The following PLD5 variants were observed in gnomAD, a reference collection of about 807,000 sequenced individuals.
PLD5 encodes the protein inactive phospholipase D5.
Under a neutral mutation model 61.1 loss-of-function variants are expected in PLD5, and 36 were observed. That is an observed-to-expected ratio of 0.59 (90% CI 0.45 to 0.78). The LOEUF is 0.78. Among genes scored for constraint, PLD5 ranks in the 30% least tolerant of loss-of-function variants. PLD5 has a pLI of 0.00. For missense variants in PLD5, 515 were observed against 644.4 expected, an observed-to-expected ratio of 0.80 and a Z score of 2.17; for synonymous variants, 243 against 242.8, an observed-to-expected ratio of 1.00 and a Z score of -0.01.
intron 1 of PLD5, among the ~76,000 whole-genome samples, chr1:242,358,329 A>G (rs975903463): frequency 5.9e-5 from 9 of 151,798 alleles, no homozygotes; most frequent in African/African-American, 1.9e-4. Context: ...GTGTTCCTGC[A>G]TTGCTGTTTA....
rs182337475 is a variant in PLD5, at chr1:242,239,216, C to T, written c.608-19101G>A. On this transcript the variant is annotated intron_variant, in intron 4 of 9. Transcript: ENST00000536534. Reference sequence around the variant, plus strand: ...TGGCACATGCTGTAGAATCTCTGTGCTCCTCAGAGAAACAATAGGAGTGGG... The same window carrying T: ...TGGCACATGCTGTAGAATCTCTGTGTTCCTCAGAGAAACAATAGGAGTGGG... Among the ~76,000 whole-genome samples, 184 of 152,234 alleles carry T rather than the reference C, an allele frequency of 1.2e-3. 1 individual carries two copies. The highest frequency in any genetic ancestry group is 4.3e-3 in the African/African-American group (179 of 41,536).
At chr1:242,401,846 A>G (rs1663952436) in intron 1 of PLD5, among the ~76,000 whole-genome samples, 1 of 152,242 alleles carries the variant, frequency 6.6e-6, no homozygotes, top group African/African-American at 2.4e-5. Flanking sequence ...AGAGGCCTTG[A>G]GGACAGGGAC....
At chr1:242,338,544 TTAAG>T (rs1429199061) in intron 2 of PLD5, among the ~76,000 whole-genome samples, 2 of 152,210 alleles carry the variant, frequency 1.3e-5, no homozygotes, top group African/African-American at 4.8e-5. Context: ...TAATCATATA[TTAAG>T]TTTCATTAAA....
At chr1:242,100,289 C>T (rs1227308437) in intron 9 of PLD5, among the ~76,000 whole-genome samples, 1 of 152,158 alleles carries the variant, frequency 6.6e-6, no homozygotes, top group Non-Finnish European at 1.5e-5. Flanking sequence ...TGCCTGCCTT[C>T]CCATCACTCA....
intron 1 of PLD5, among the ~76,000 whole-genome samples, chr1:242,394,726 A>G (rs1663314957): frequency 2.0e-5 from 1 of 49,170 alleles, no homozygotes; most frequent in South Asian, 7.4e-4. Context: ...ATATATGTGA[A>G]CATATATGTG....
At chr1:242,442,158 GC>G (rs1180688475) in intron 1 of PLD5, among the ~76,000 whole-genome samples, 1 of 152,150 alleles carries the variant, frequency 6.6e-6, no homozygotes, top group Non-Finnish European at 1.5e-5. Context: ...AAATACCTTG[GC>G]CGATGCCCAT....
At chr1:242,210,057 A>T (rs961783745) in intron 5 of PLD5, among the ~76,000 whole-genome samples, 4 of 152,166 alleles carry the variant, frequency 2.6e-5, no homozygotes, top group Non-Finnish European at 5.9e-5. Flanking sequence ...GGCCTCCCAA[A>T]GTCCTGGGAT....
intron 1 of PLD5, among the ~76,000 whole-genome samples, chr1:242,466,892 CA>C (rs10716134): frequency 0.64 from 90,691 of 141,524 alleles, 29,020 homozygotes; most frequent in African/African-American, 0.78. Flanking sequence ...GACTCCATCT[CA>C]AAAAAAAAAA....
chr1:242,303,135 G>T (rs1341503322), intron 2 of PLD5, among the ~76,000 whole-genome samples: 1 of 152,214 alleles, frequency 6.6e-6, no homozygotes, highest in Non-Finnish European at 1.5e-5. Context: ...GGGAGGCATT[G>T]TTCATTAGCT....
chr1:242,486,750 A>G lies in PLD5; in HGVS notation c.189+37338T>C, dbSNP rs1390997986. 3.9e-5 allele frequency among the ~76,000 whole-genome samples: 6 copies of G among 152,322 alleles called. No individual in the cohort carries two copies. In the South Asian group the frequency reaches 1.0e-3, roughly 26 times the overall value. On this transcript the variant is annotated intron_variant, in intron 1 of 9. Coordinates refer to ENST00000536534, the MANE Select transcript of PLD5 (RefSeq NM_001372062.1). ...GATTACAAATCATGCTGCTATAAAG[A>G]CACATGCACACGTATGTTTATTGTG... is the stretch of plus-strand genomic sequence containing the variant.
chr1:242,438,439 CTTTTTTTTTTTTT>C (rs1171422837), intron 1 of PLD5, among the ~76,000 whole-genome samples: 21 of 120,504 alleles, frequency 1.7e-4, no homozygotes, highest in Admixed American at 1.7e-3. Context: ...AATTTTTTTT[CTTTTTTTTTTTTT>C]TTTTTTTTTG....
chr1:242,523,999 C>A lies in PLD5; in HGVS notation c.189+89G>T, dbSNP rs779869407. ...TGCCAGGATCCCCTCGCCTGCCCCC[C>A]GCGCCCCGCGCGCGCTCATGCCACC... is the stretch of plus-strand genomic sequence containing the variant. On this transcript the variant is annotated intron_variant, in intron 1 of 9. Coordinates refer to ENST00000536534, the MANE Select transcript of PLD5 (RefSeq NM_001372062.1). 1,049 of 1,378,198 alleles carry A rather than the reference C, an allele frequency of 7.6e-4. 4 individuals carry two copies. The highest frequency in any genetic ancestry group is 8.3e-4 in the Non-Finnish European group (870 of 1,044,874). The allele number at this position is 1,378,198 out of a possible 1,614,324, so 85.4% of individuals were successfully genotyped here. A position where few individuals can be genotyped will look rare whatever the true frequency, so the allele number is the denominator to read the frequency against.
intron 5 of PLD5, among the ~76,000 whole-genome samples, chr1:242,163,789 G>A (rs190572088): frequency 6.6e-6 from 1 of 151,788 alleles, no homozygotes; most frequent in Admixed American, 6.6e-5. Flanking sequence ...GAAAGGAGAA[G>A]AGAAGATGAT....
chr1:242,139,333 T>C (rs760032153), intron 5 of PLD5, among the ~76,000 whole-genome samples: 2 of 152,164 alleles, frequency 1.3e-5, no homozygotes, highest in African/African-American at 2.4e-5. Context: ...ATGCTTATAT[T>C]GTTCCAATTC....
At chr1:242,128,978 C>T (rs2252440) in intron 5 of PLD5, among the ~76,000 whole-genome samples, 58,578 of 152,000 alleles carry the variant, frequency 0.39, 12,035 homozygotes, top group East Asian at 0.61. Context: ...GCTTCTGTAA[C>T]GGCACCATCA....
intron 5 of PLD5, among the ~76,000 whole-genome samples, chr1:242,127,229 A>G (rs1371279019): frequency 3.9e-5 from 6 of 152,232 alleles, no homozygotes; most frequent in Admixed American, 6.5e-5. Context: ...TACAACCACT[A>G]TGGAAAACAG....
chr1:242,179,090 G>A (rs554519101), intron 5 of PLD5, among the ~76,000 whole-genome samples: 1 of 152,326 alleles, frequency 6.6e-6, no homozygotes, highest in East Asian at 1.9e-4. Flanking sequence ...TTGCAGGTGA[G>A]CCACTCATGC....
At chr1:242,167,090 A>T (rs934401675) in intron 5 of PLD5, among the ~76,000 whole-genome samples, 1 of 141,680 alleles carries the variant, frequency 7.1e-6, no homozygotes, top group Non-Finnish European at 1.5e-5. Context: ...AATAATAATA[A>T]TAATAATAAT....
intron 5 of PLD5, among the ~76,000 whole-genome samples, chr1:242,154,375 C>T (rs1025246818): frequency 1.3e-5 from 2 of 152,066 alleles, no homozygotes; most frequent in East Asian, 3.9e-4. Flanking sequence ...ACTTCCAATA[C>T]TATGTTGAAT....
Sources: allele counts gnomAD v4.1 joint callset (sites outside exome capture counted in the v4.1 genomes callset), GRCh38; gene constraint gnomAD v4.1.1; transcripts MANE v1.5; gene names NCBI Gene and HGNC (gene_info 2026-07-23, HGNC 2026-07-21).